D2HGDH: variants seen among roughly 807,000 people sequenced by gnomAD.
The protein encoded by D2HGDH is D-2-hydroxyglutarate dehydrogenase, mitochondrial.
D2HGDH carries 31 observed loss-of-function variants against 46.9 expected under a neutral mutation model. The ratio of observed to expected loss-of-function variants is 0.66; its 90% CI spans 0.50 to 0.89. The LOEUF is 0.89. D2HGDH is among the 40% of genes least tolerant of loss of function. D2HGDH has a pLI of 0.00. For synonymous variants in D2HGDH, 364 were observed against 332.6 expected, an observed-to-expected ratio of 1.09 and a Z score of -1.03; for missense variants, 698 against 720.8, an observed-to-expected ratio of 0.97 and a Z score of 0.36.
chr2:241,746,729 A>G (rs1157866118), intron 6 of D2HGDH, among the ~76,000 whole-genome samples: 1 of 152,028 alleles, frequency 6.6e-6, no homozygotes. Flanking sequence ...CTCTACTAAA[A>G]ATACAAAAAT....
At chr2:241,760,062 T>C (rs1192728965) in intron 9 of D2HGDH, among the ~76,000 whole-genome samples, 2 of 114,894 alleles carry the variant, frequency 1.7e-5, no homozygotes, top group South Asian at 2.5e-4. Context: ...GGGTGGGCCT[T>C]ACCCAGTCGA....
intron 9 of D2HGDH, among the ~76,000 whole-genome samples, chr2:241,761,592 C>T (rs933992843): frequency 6.6e-6 from 1 of 152,172 alleles, no homozygotes; most frequent in African/African-American, 2.4e-5. Flanking sequence ...AATCCTATGC[C>T]ATTTCCTGTC....
chr2:241,735,809 C>A (rs1692630164), intron 2 of D2HGDH: 5 of 466,162 alleles, frequency 1.1e-5, no homozygotes, highest in South Asian at 7.0e-5. Context: ...TGTCGCCAGG[C>A]CGGAGTGCAG....
intron 2 of D2HGDH, among the ~76,000 whole-genome samples, chr2:241,737,960 C>T (rs1369520390): frequency 1.3e-5 from 2 of 152,128 alleles, no homozygotes; most frequent in Non-Finnish European, 2.9e-5. Context: ...TTATTAAGAA[C>T]ACTCAGAAAG....
intron 6 of D2HGDH, among the ~76,000 whole-genome samples, chr2:241,748,638 C>T (rs1212176999): frequency 6.6e-6 from 1 of 152,238 alleles, no homozygotes; most frequent in Non-Finnish European, 1.5e-5. Context: ...CCCTCTCGCC[C>T]ATTGCCTCCG....
chr2:241,735,341 C>G lies in D2HGDH; in HGVS notation c.117C>G (p.Ala39=), dbSNP rs1291878042. 15 of 1,552,212 alleles carry G rather than the reference C, an allele frequency of 9.7e-6. No individual in the cohort carries two copies. Among genetic ancestry groups the G allele is most frequent in the South Asian group, 9.4e-5 (8 of 85,050 alleles). The change falls in exon 2 of 10, where the codon GCC becomes GCG. Residue 39 remains alanine (A), a synonymous_variant. Transcript: ENST00000321264. ...TGGCCCGCAGAGGCTGCTGCTCCGC[C>G]CCGGGGACCCCCGAGGTGCCGCTGA... ...GPLARRGCCS[A]PGTPEVPLTR... is the part of the protein sequence containing the mutation.
intron 7 of D2HGDH, 80 bp from the exon 8 acceptor site, chr2:241,751,166 G>A: frequency 6.3e-7 from 1 of 1,596,166 alleles, no homozygotes; most frequent in East Asian, 2.2e-5. Flanking sequence ...TGCTATTACA[G>A]CTGTTCTGCC....
At chr2:241,738,594 C>G (rs138720298) in intron 2 of D2HGDH, among the ~76,000 whole-genome samples, 3 of 152,346 alleles carry the variant, frequency 2.0e-5, no homozygotes, top group Non-Finnish European at 2.9e-5. Context: ...GGTGACCACG[C>G]TCTTCCTCTC....
intron 2 of D2HGDH, among the ~76,000 whole-genome samples, chr2:241,738,003 A>T (rs1017642070): frequency 1.3e-5 from 2 of 152,212 alleles, no homozygotes; most frequent in Non-Finnish European, 2.9e-5. Context: ...AGTGCAGCGT[A>T]TGTTAAAACA....
At chr2:241,739,875 C>G (rs1279908682) in intron 2 of D2HGDH, among the ~76,000 whole-genome samples, 2 of 152,222 alleles carry the variant, frequency 1.3e-5, no homozygotes, top group Non-Finnish European at 2.9e-5. Context: ...CCGGGCGCGG[C>G]GACTCATGCC....
In D2HGDH at chr2:241,741,190, G is replaced by A. The variant is rs1694364207; in HGVS notation, c.350+100G>A. ...GCTGGGGTGACGCGGTGCGAAGCCA[G>A]CCGATGACATCTTGGTTTGTGTGTC... On this transcript the variant is annotated intron_variant, in intron 3 of 9. Transcript: ENST00000321264. The A allele has an allele frequency of 3.7e-6, 4 of 1,077,396 alleles. No individual in the cohort carries two copies. In the African/African-American group the frequency reaches 4.7e-5, roughly 13 times the overall value. 66.7% of individuals were successfully genotyped at this position (1,077,396 alleles called of 1,614,324 possible).
At chr2:241,751,763 G>C (rs1697246443) in intron 8 of D2HGDH, among the ~76,000 whole-genome samples, 1 of 152,176 alleles carries the variant, frequency 6.6e-6, no homozygotes, top group Non-Finnish European at 1.5e-5. Context: ...GGCTGTGGAG[G>C]CTTAGCCTGG....
chr2:241,740,993 TC>T (rs1575204328), intron 2 of D2HGDH, 39 bp from the exon 3 acceptor site: 2 of 1,570,738 alleles, frequency 1.3e-6, no homozygotes, highest in Non-Finnish European at 1.8e-6. Flanking sequence ...CATCTGCAGC[TC>T]CCCCCACGCT....
At chr2:241,765,062 G>A (rs113192116) in intron 9 of D2HGDH, among the ~76,000 whole-genome samples, 6 of 152,340 alleles carry the variant, frequency 3.9e-5, no homozygotes, top group African/African-American at 1.4e-4. Flanking sequence ...GTCTGCAGTG[G>A]GCACTGGCTG....
rs113782371 is a variant in D2HGDH, at chr2:241,767,711, A to G, written c.1308A>G (p.Gly436=). The change falls in exon 10 of 10, where the codon GGA becomes GGG. Residue 436 remains glycine, a splice_region_variant and synonymous_variant. Transcript: ENST00000321264. ...ACCCATGTGCCCTTGTCCCTCCAGG[A>G]GATGGTAACCTGCACCTCAATGTGA... ...AKHVVGYGHL[G]DGNLHLNVTA... 4.3e-4 allele frequency: 700 copies of G among 1,612,660 alleles called. 3 individuals are homozygous for G. The African/African-American group carries it at 8.1e-3, about 19-fold the overall frequency.
chr2:241,749,721 G>C, intron 6 of D2HGDH: 1 of 330,822 alleles, frequency 3.0e-6, no homozygotes, highest in Non-Finnish European at 5.9e-6. Context: ...GTTCTTCGGC[G>C]CCTTCCCCTC....
chr2:241,745,414 G>A (rs1695605736), intron 6 of D2HGDH, among the ~76,000 whole-genome samples: 1 of 152,168 alleles, frequency 6.6e-6, no homozygotes, highest in African/African-American at 2.4e-5. Flanking sequence ...TTTGAATCGG[G>A]CGGGTTTATC....
intron 2 of D2HGDH, among the ~76,000 whole-genome samples, chr2:241,739,613 G>A (rs778547327): frequency 2.6e-5 from 4 of 152,218 alleles, no homozygotes; most frequent in Admixed American, 6.5e-5. Context: ...TGGGAAAGTC[G>A]TCTCAAGGAA....
chr2:241,767,905 T>C lies in D2HGDH; in HGVS notation c.1502T>C (p.Leu501Pro), dbSNP rs747738269. ...PPGALQLMQQ[L>P]KALLDPKGIL... ...GGGGCCCTGCAGCTCATGCAGCAGC[T>C]CAAGGCCCTGCTGGACCCCAAGGGC... Residue 501 changes from leucine (L) to proline (P), a missense_variant, in exon 10 of 10, where the codon CTC (leucine) becomes CCC (proline). Coordinates refer to ENST00000321264, the MANE Select transcript of D2HGDH (RefSeq NM_152783.5). 34 of 1,604,124 alleles carry C rather than the reference T, an allele frequency of 2.1e-5. No homozygotes were observed. The highest frequency in any genetic ancestry group is 6.0e-6 in the Non-Finnish European group (7 of 1,175,962).
Sources: gnomAD v4.1 joint callset for allele counts (sites outside exome capture counted in the v4.1 genomes callset) on GRCh38, gnomAD v4.1.1 for gene constraint, MANE v1.5 for transcripts, NCBI Gene and HGNC (gene_info 2026-07-23, HGNC 2026-07-21) for gene names.